The following LARP1 variants were observed in gnomAD, a reference collection of about 807,000 sequenced individuals.
LARP1 encodes the protein la-related protein 1.
Under a neutral mutation model 122.7 loss-of-function variants are expected in LARP1, and 36 were observed. That is an observed-to-expected ratio of 0.29 (90% confidence interval 0.22 to 0.39). The LOEUF is 0.39. Ranked by LOEUF, LARP1 falls within the 10% of genes least tolerant of loss-of-function variation. The pLI is 1.00. For missense variants in LARP1, 1,040 were observed against 1,403.6 expected (o/e 0.74, Z 4.14); for synonymous variants, 539 against 528.7 (o/e 1.02, Z -0.27).
At chr5:154,727,590 G>A (rs1359879300) in intron 1 of LARP1, among the ~76,000 whole-genome samples, 1 of 152,154 alleles carries the variant, frequency 6.6e-6, no homozygotes, top group Non-Finnish European at 1.5e-5. Flanking sequence ...ACAATGTGGT[G>A]ACTAAAGTTA....
rs34082968 is a variant in LARP1, at chr5:154,732,020, G to GA, written c.205+18906dup. 8.0e-3 allele frequency among the ~76,000 whole-genome samples: 1,074 copies of GA among 135,022 alleles called. 12 individuals carry two copies. Among genetic ancestry groups the GA allele is most frequent in the Non-Finnish European group, 0.012 (768 of 63,240 alleles). 88.6% of individuals were successfully genotyped at this position (135,022 alleles called of 152,430 possible). A position where few individuals can be genotyped will look rare whatever the true frequency, so the allele number is the denominator to read the frequency against. ...CTGGTAACAGAGTGAGACTCCGTCT[G>GA]AAAAAAAAAAAAAAAATTAGCCAGA... On this transcript the variant is annotated intron_variant, in intron 1 of 18. Coordinates refer to the LARP1 transcript ENST00000336314.
intron 1 of LARP1, among the ~76,000 whole-genome samples, chr5:154,771,406 C>T (rs761886781): frequency 2.6e-5 from 4 of 152,180 alleles, no homozygotes; most frequent in Non-Finnish European, 4.4e-5. Flanking sequence ...CCTCATTTTA[C>T]GGATGACAAA....
chr5:154,694,110 G>C (rs1442509251), intron 1 of LARP1, among the ~76,000 whole-genome samples: 1 of 152,014 alleles, frequency 6.6e-6, no homozygotes, highest in African/African-American at 2.4e-5. Flanking sequence ...AAAAGCCAAT[G>C]TTGTAAAAAC....
intron 1 of LARP1, among the ~76,000 whole-genome samples, chr5:154,718,012 G>C (rs1209890665): frequency 6.6e-6 from 1 of 151,982 alleles, no homozygotes; most frequent in African/African-American, 2.4e-5. Flanking sequence ...CAAAATCCTG[G>C]GCTCAAGGAA....
chr5:154,730,742 G>C (rs1408151739), intron 1 of LARP1, among the ~76,000 whole-genome samples: 3 of 151,868 alleles, frequency 2.0e-5, no homozygotes, highest in Non-Finnish European at 4.4e-5. Flanking sequence ...AAAGTGCTGG[G>C]ATTACAGGTG....
chr5:154,739,635 G>T (rs942455728), intron 1 of LARP1, among the ~76,000 whole-genome samples: 6 of 151,930 alleles, frequency 3.9e-5, no homozygotes, highest in Non-Finnish European at 8.8e-5. Context: ...CTGGCCTCAA[G>T]TAATCCTCCT....
At chr5:154,726,850 G>A (rs1039946397) in intron 1 of LARP1, among the ~76,000 whole-genome samples, 1 of 152,204 alleles carries the variant, frequency 6.6e-6, no homozygotes, top group African/African-American at 2.4e-5. Context: ...TCCGTACAGG[G>A]CAGCAGGAGA....
chr5:154,799,669 C>T lies in LARP1; in HGVS notation c.1456C>T (p.Pro486Ser). 6.2e-7 allele frequency: 1 copy of T among 1,614,194 alleles called. No homozygotes were observed. Among genetic ancestry groups the T allele is most frequent in the Non-Finnish European group, 8.5e-7 (1 of 1,180,024 alleles). The change falls in exon 9 of 19, where the codon CCC becomes TCC. Residue 486 changes from proline (P) to serine (S), a missense_variant. By Grantham distance (74) the Pro-to-Ser change is moderately conservative. Around this residue, in one of 8 missense-constraint regions of LARP1, gnomAD observed 362 missense variants for 533.1 expected, o/e 0.68. Coordinates refer to ENST00000518297, the MANE Select transcript of LARP1 (RefSeq NM_033551.3). ...RREEPEKWPL[P>S]PIVDYSQTDF... ...GGAGGAACCAGAAAAGTGGCCTCTT[C>T]CCCCAATAGTGGATTATTCACAGAC...
chr5:154,692,136 C>G (rs566611143), intron 1 of LARP1, among the ~76,000 whole-genome samples: 1 of 152,202 alleles, frequency 6.6e-6, no homozygotes, highest in Non-Finnish European at 1.5e-5. Context: ...TCCCTAGTGC[C>G]CTGGAATAAC....
intron 1 of LARP1, among the ~76,000 whole-genome samples, chr5:154,775,493 C>CAAAA (rs138027824): frequency 5.0e-5 from 5 of 100,182 alleles, no homozygotes; most frequent in Non-Finnish European, 8.5e-5. Flanking sequence ...GACCCTCCCT[C>CAAAA]AAAAAAAAAA....
intron 3 of LARP1, among the ~76,000 whole-genome samples, chr5:154,791,734 T>A (rs914462329): frequency 5.3e-5 from 8 of 152,194 alleles, no homozygotes; most frequent in Admixed American, 2.0e-4. Flanking sequence ...GACCTACATA[T>A]ATGAAAAGTT....
Position 154,814,330 on chromosome 5 carries a change from T to A in LARP1, c.*234T>A, listed in dbSNP as rs1054723166. The A allele has an allele frequency of 1.5e-5, 6 of 388,250 alleles. No individual in the cohort carries two copies. The highest frequency in any genetic ancestry group is 1.2e-4 in the African/African-American group (6 of 48,924). 24.1% of individuals were successfully genotyped at this position (388,250 alleles called of 1,614,324 possible). ...CTCCATGACTCTTGACATCCTAGCT[T>A]CTTCTAAGGGGGGAGGGAAAGGGGG... On this transcript the variant is annotated 3_prime_UTR_variant, in exon 19 of 19. Coordinates refer to ENST00000518297, the MANE Select transcript of LARP1 (RefSeq NM_033551.3).
upstream of LARP1, among the ~76,000 whole-genome samples, chr5:154,710,438 C>A (rs1004996922): frequency 1.3e-5 from 2 of 151,590 alleles, no homozygotes; most frequent in African/African-American, 4.8e-5. Context: ...ATAGTGAGAC[C>A]CTATCTGTTA....
chr5:154,765,575 G>A (rs958625446), intron 1 of LARP1, among the ~76,000 whole-genome samples: 3 of 152,066 alleles, frequency 2.0e-5, no homozygotes, highest in Non-Finnish European at 4.4e-5. Flanking sequence ...TTAATTTTTT[G>A]TAGGAATGGG....
intron 1 of LARP1, among the ~76,000 whole-genome samples, chr5:154,732,686 T>C (rs925482767): frequency 6.6e-6 from 1 of 151,460 alleles, no homozygotes; most frequent in African/African-American, 2.5e-5. Context: ...ATTCATCCTA[T>C]AGGAAATCTT....
chr5:154,710,230 A>G (rs990088424), upstream of LARP1, among the ~76,000 whole-genome samples: 18 of 152,144 alleles, frequency 1.2e-4, no homozygotes, highest in African/African-American at 4.3e-4. Flanking sequence ...GCACTAAAGG[A>G]TTGGTCATTG....
rs188093430 is a variant in LARP1, at chr5:154,746,699, A to G, written c.205+33569A>G. ...CCTTTGGAAAATGCAGGGTGATCCAAATAGAAAGTGGGTCACTGGCTGGGC... is the reference window on the plus strand; with the variant it reads ...CCTTTGGAAAATGCAGGGTGATCCAGATAGAAAGTGGGTCACTGGCTGGGC... On this transcript the variant is annotated intron_variant, in intron 1 of 18. Coordinates refer to the LARP1 transcript ENST00000336314. Among the ~76,000 whole-genome samples the G allele has an allele frequency of 3.3e-5, 5 of 152,306 alleles. No individual in the cohort carries two copies. In the East Asian group the frequency reaches 9.7e-4, roughly 29 times the overall value.
In LARP1 at chr5:154,805,790, T is replaced by G. The variant is rs1582474674; in HGVS notation, c.2547-91T>G. On this transcript the variant is annotated intron_variant, in intron 14 of 18. Coordinates refer to ENST00000518297, the MANE Select transcript of LARP1 (RefSeq NM_033551.3). ...TTGATACCCTGTGAGAGGATGGATC[T>G]TGGCTGACAGAACGGATCAGAGGGA... The G allele has an allele frequency of 1.4e-5, 20 of 1,384,796 alleles. No homozygotes were observed. The East Asian group carries it at 3.9e-4, about 27-fold the overall frequency. 85.8% of individuals were successfully genotyped at this position (1,384,796 alleles called of 1,614,324 possible). A position where few individuals can be genotyped will look rare whatever the true frequency, so the allele number is the denominator to read the frequency against.
chr5:154,804,779 T>A (rs1011587139), intron 14 of LARP1: 1 of 456,196 alleles, frequency 2.2e-6, no homozygotes, highest in African/African-American at 2.0e-5. Flanking sequence ...TTCAGTAAGA[T>A]GGCCCCAGTG....
Sources: gnomAD v4.1 joint callset for allele counts (sites outside exome capture counted in the v4.1 genomes callset) on GRCh38, gnomAD v4.1.1 for gene constraint, gnomAD v4.1.1 regional missense constraint, MANE v1.5 for transcripts, NCBI Gene and HGNC (gene_info 2026-07-23, HGNC 2026-07-21) for gene names.